Variants in KIAA0232 observed in about 807,000 individuals in gnomAD.
The protein encoded by KIAA0232 is KIAA0232.
In KIAA0232, 27 loss-of-function variants were observed where a neutral mutation model predicts 122.0. The ratio of observed to expected loss-of-function variants is 0.22; its 90% CI spans 0.16 to 0.31. KIAA0232 has a LOEUF of 0.31. Among genes scored for constraint, KIAA0232 ranks in the 10% least tolerant of loss-of-function variants. The probability of loss-of-function intolerance (pLI) is 1.00; values close to 1 mark genes in which losing one functional copy is unlikely to be tolerated. For missense variants in KIAA0232, 1,551 were observed against 1,634.2 expected, an observed-to-expected ratio of 0.95 and a Z score of 0.88; for synonymous variants, 613 against 587.6, an observed-to-expected ratio of 1.04 and a Z score of -0.63.
At chr4:6,877,926 C>T (rs977206590) in intron 9 of KIAA0232, among the ~76,000 whole-genome samples, 11 of 152,142 alleles carry the variant, frequency 7.2e-5, no homozygotes, top group African/African-American at 2.2e-4. Flanking sequence ...TACACATCTC[C>T]TGAAATTATA....
chr4:6,873,946 A>C lies in KIAA0232; in HGVS notation c.3910+2264A>C, dbSNP rs563518496. ...TCAGCAGAAGTGGCTGGGGACTCCT[A>C]ATGCTTCTAATATTGGATATGATTC... On this transcript the variant is annotated intron_variant, in intron 8 of 9. Coordinates refer to ENST00000307659, the MANE Select transcript of KIAA0232 (RefSeq NM_014743.3). 4.0e-4 allele frequency among the ~76,000 whole-genome samples: 61 copies of C among 152,280 alleles called. 1 individual carries two copies. In the South Asian group the frequency reaches 0.011, roughly 26 times the overall value.
chr4:6,875,350 A>G (rs1577421086), intron 8 of KIAA0232, among the ~76,000 whole-genome samples: 1 of 152,396 alleles, frequency 6.6e-6, no homozygotes, highest in African/African-American at 2.4e-5. Context: ...TAATTTGTGC[A>G]AAGTTACATC....
At chr4:6,829,809 C>T (rs1718873943) in intron 3 of KIAA0232, among the ~76,000 whole-genome samples, 2 of 152,020 alleles carry the variant, frequency 1.3e-5, no homozygotes, top group Non-Finnish European at 2.9e-5. Context: ...TTAACTTTTC[C>T]TGCCCAGAAG....
chr4:6,877,975 C>T (rs941913023), intron 9 of KIAA0232, among the ~76,000 whole-genome samples: 9 of 152,168 alleles, frequency 5.9e-5, no homozygotes, highest in African/African-American at 1.9e-4. Context: ...CATAATTATA[C>T]CTAACATAAT....
At chr4:6,824,874 A>G (rs1277622351) in intron 3 of KIAA0232, among the ~76,000 whole-genome samples, 190 bp downstream of exon 3, 1 of 152,160 alleles carries the variant, frequency 6.6e-6, no homozygotes, top group African/African-American at 2.4e-5. Context: ...CACCCTGTTA[A>G]GTGCAGTTAT....
chr4:6,870,636 C>G (rs1169995398), intron 7 of KIAA0232, among the ~76,000 whole-genome samples: 1 of 152,124 alleles, frequency 6.6e-6, no homozygotes, highest in Non-Finnish European at 1.5e-5. Flanking sequence ...AACCCTGTCT[C>G]TACTAAAAAT....
At chr4:6,869,017 T>C (rs188565524) in intron 7 of KIAA0232, among the ~76,000 whole-genome samples, 127 of 152,294 alleles carry the variant, frequency 8.3e-4, no homozygotes, top group African/African-American at 2.6e-3. Flanking sequence ...CAGCAGACAC[T>C]GAGTATCTGC....
At chr4:6,793,117 C>A (rs527554246) in intron 1 of KIAA0232, among the ~76,000 whole-genome samples, 181 of 152,258 alleles carry the variant, frequency 1.2e-3, no homozygotes, top group African/African-American at 4.0e-3. Context: ...TCTCCTAATC[C>A]TGTTCCCTGT....
intron 1 of KIAA0232, among the ~76,000 whole-genome samples, chr4:6,789,588 A>C (rs1375923476): frequency 1.3e-5 from 2 of 152,218 alleles, no homozygotes; most frequent in Non-Finnish European, 1.5e-5. Flanking sequence ...CTCATTTTCA[A>C]CTTGCATCTA....
intron 9 of KIAA0232, among the ~76,000 whole-genome samples, chr4:6,879,255 G>A (rs1721927723): frequency 6.6e-6 from 1 of 152,134 alleles, no homozygotes; most frequent in South Asian, 2.1e-4. Flanking sequence ...ACCCTGTGAG[G>A]TAGGTACTGT....
intron 9 of KIAA0232, among the ~76,000 whole-genome samples, chr4:6,877,599 G>A (rs1233451256): frequency 1.3e-5 from 2 of 152,126 alleles, no homozygotes; most frequent in Non-Finnish European, 2.9e-5. Flanking sequence ...TCCCAAAACT[G>A]AAGAACTTGG....
Position 6,861,060 on chromosome 4 carries a change from C to T in KIAA0232, c.678C>T (p.Asn226=). ...STDTSSPKDC[N]SESEVTKERS... The stretch of plus-strand genomic sequence containing the variant: ...ATACTTCCTCTCCTAAGGACTGCAA[C>T]AGTGAAAGTGAAGTCACCAAGGAAA... Residue 226 remains asparagine (N), a synonymous_variant, in exon 7 of 10, where the codon AAC becomes AAT. Coordinates refer to ENST00000307659, the MANE Select transcript of KIAA0232 (RefSeq NM_014743.3). 1 of 1,614,148 alleles carries T rather than the reference C, an allele frequency of 6.2e-7. No individual in the cohort carries two copies. Among genetic ancestry groups the T allele is most frequent in the South Asian group, 1.1e-5 (1 of 91,082 alleles).
chr4:6,805,943 G>T (rs2108947104), intron 2 of KIAA0232, among the ~76,000 whole-genome samples: 1 of 152,094 alleles, frequency 6.6e-6, no homozygotes, highest in South Asian at 2.1e-4. Flanking sequence ...AAAGCTTTTA[G>T]AATTTCATAA....
intron 2 of KIAA0232, among the ~76,000 whole-genome samples, chr4:6,813,305 T>C (rs1168522655): frequency 2.0e-5 from 3 of 152,166 alleles, no homozygotes. Context: ...TTTGGTCTAC[T>C]TCTTGGAAAG....
intron 6 of KIAA0232, among the ~76,000 whole-genome samples, chr4:6,860,035 G>T (rs1005770884): frequency 6.6e-6 from 1 of 152,144 alleles, no homozygotes; most frequent in African/African-American, 2.4e-5. Flanking sequence ...CACTAAACTT[G>T]TGGAATAAAT....
rs938925415 is a variant in KIAA0232 at position 6,799,944 on chromosome 4, C to T, written c.-353-4579C>T. Among the ~76,000 whole-genome samples, 13 of 151,586 alleles carry T rather than the reference C, an allele frequency of 8.6e-5. No individual in the cohort carries two copies. In the South Asian group the frequency reaches 2.7e-3, roughly 32 times the overall value. ...TCCTGACATCATGATCCCCCCGCCTCGGCCTCCCAAAGTGCTTGGATGACA... is the reference window on the plus strand; with the variant it reads ...TCCTGACATCATGATCCCCCCGCCTTGGCCTCCCAAAGTGCTTGGATGACA... On this transcript the variant is annotated intron_variant, in intron 1 of 9. Coordinates refer to ENST00000307659, the MANE Select transcript of KIAA0232 (RefSeq NM_014743.3).
intron 3 of KIAA0232, among the ~76,000 whole-genome samples, chr4:6,830,838 T>G (rs548613009): frequency 1.3e-5 from 2 of 152,224 alleles, no homozygotes; most frequent in African/African-American, 4.8e-5. Flanking sequence ...GCTATGGAAC[T>G]GTTCCTGACC....
At chr4:6,866,245 C>T (rs1340300105) in intron 7 of KIAA0232, 4 of 983,140 alleles carry the variant, frequency 4.1e-6, no homozygotes, top group African/African-American at 1.7e-5. Context: ...ATACCACTAC[C>T]ATATTCCTTC....
chr4:6,832,363 T>G (rs1277431817), intron 3 of KIAA0232, among the ~76,000 whole-genome samples: 2 of 151,706 alleles, frequency 1.3e-5, no homozygotes, highest in African/African-American at 4.8e-5. Context: ...TTTTTTTTTT[T>G]TTGGAGAGGG....
Sources: gnomAD v4.1 joint callset for allele counts (sites outside exome capture counted in the v4.1 genomes callset) on GRCh38, gnomAD v4.1.1 for gene constraint, MANE v1.5 for transcripts, NCBI Gene and HGNC (gene_info 2026-07-23, HGNC 2026-07-21) for gene names.